GRK5: variants seen among roughly 807,000 people sequenced by gnomAD.
GRK5 encodes G protein-coupled receptor kinase 5.
Under a neutral mutation model 78.4 loss-of-function variants are expected in GRK5, and 40 were observed. That is an observed-to-expected ratio of 0.51 (90% CI 0.40 to 0.66). The LOEUF (loss-of-function observed/expected upper bound fraction) is 0.66. GRK5 is among the 30% of genes least tolerant of loss of function. GRK5 has a pLI of 0.00. For missense variants in GRK5, 598 were observed against 759.9 expected (o/e 0.79, Z 2.50); for synonymous variants, 289 against 296.8 (o/e 0.97, Z 0.27).
At chr10:119,349,595 G>A (rs555583131) in intron 2 of GRK5, among the ~76,000 whole-genome samples, 1 of 152,352 alleles carries the variant, frequency 6.6e-6, no homozygotes, top group East Asian at 1.9e-4. Flanking sequence ...TGGGGCCTTC[G>A]GGTGGGGAAC....
At chr10:119,261,024 CG>C (rs1849378324) in intron 1 of GRK5, among the ~76,000 whole-genome samples, 1 of 138,534 alleles carries the variant, frequency 7.2e-6, no homozygotes, top group Admixed American at 7.2e-5. Context: ...GGCGGCTGGC[CG>C]GGCAGGGGGC....
At chr10:119,399,625 C>A (rs976708821) in intron 4 of GRK5, among the ~76,000 whole-genome samples, 6 of 152,210 alleles carry the variant, frequency 3.9e-5, no homozygotes, top group African/African-American at 1.4e-4. Flanking sequence ...ACTGTAATAC[C>A]ATGTCTCCCC....
rs5788355 is a variant in GRK5, at chr10:119,455,539, C to CAA, written c.*484_*485dup. On this transcript the variant is annotated 3_prime_UTR_variant, in exon 16 of 16. Transcript: ENST00000392870. ...GGCATTTTAGCGGGGAGGGGGTTATCAAAAAAAAAAAAATGTGACTCAAGA... is the reference window on the plus strand; with the variant it reads ...GGCATTTTAGCGGGGAGGGGGTTATCAAAAAAAAAAAAAAATGTGACTCAAGA... The CAA allele has an allele frequency of 3.9e-4, 89 of 227,968 alleles. No homozygotes were observed. Among genetic ancestry groups the CAA allele is most frequent in the South Asian group, 7.8e-4 (18 of 23,004 alleles). 14.1% of individuals were successfully genotyped at this position (227,968 alleles called of 1,614,324 possible).
Position 119,271,716 on chromosome 10 carries a change from A to G in GRK5, c.53-54800A>G, listed in dbSNP as rs1849585584. 1.3e-5 allele frequency among the ~76,000 whole-genome samples: 2 copies of G among 152,168 alleles called. No individual in the cohort carries two copies. Among genetic ancestry groups the G allele is most frequent in the Non-Finnish European group, 2.9e-5 (2 of 68,010 alleles). ...AGGGAAAAACAGGTGTGTGAGCACT[A>G]GGTTGGTGACGAGGTTTAGCAGCAG... On this transcript the variant is annotated intron_variant, in intron 1 of 15. Coordinates refer to ENST00000392870, the MANE Select transcript of GRK5 (RefSeq NM_005308.3). This position sits in a 1 kb window ranked among gnomAD's most constrained non-coding sequence, Gnocchi z 4.1.
intron 2 of GRK5, among the ~76,000 whole-genome samples, chr10:119,328,167 C>T (rs1850711092): frequency 6.6e-6 from 1 of 152,224 alleles, no homozygotes; most frequent in South Asian, 2.1e-4. Context: ...GGAGTTCCCA[C>T]AGACACCACG....
Position 119,267,018 on chromosome 10 carries a change from C to T in GRK5, c.52+59049C>T, listed in dbSNP as rs1261541799. 6.6e-6 allele frequency among the ~76,000 whole-genome samples: 1 copy of T among 151,978 alleles called. No individual in the cohort carries two copies. The highest frequency in any genetic ancestry group is 1.9e-4 in the East Asian group (1 of 5,180). On this transcript the variant is annotated intron_variant, in intron 1 of 15. Coordinates refer to ENST00000392870, the MANE Select transcript of GRK5 (RefSeq NM_005308.3). This position sits in a 1 kb window ranked among gnomAD's most constrained non-coding sequence, Gnocchi z 4.1. ...CAGCACTTTGGGAGGCCGAGGTGCGCGGATCACCTGAGGTCGGGAGTTCTA... is the reference window on the plus strand; with the variant it reads ...CAGCACTTTGGGAGGCCGAGGTGCGTGGATCACCTGAGGTCGGGAGTTCTA...
At chr10:119,243,198 C>T (rs1849053879) in intron 1 of GRK5, among the ~76,000 whole-genome samples, 1 of 152,208 alleles carries the variant, frequency 6.6e-6, no homozygotes, top group Non-Finnish European at 1.5e-5. Flanking sequence ...GATCACACCA[C>T]TGCATTCCCA....
rs1257119285 is a variant in GRK5 at position 119,452,717 on chromosome 10, C to T, written c.1451C>T (p.Ser484Phe). Reference protein sequence around the residue: ...CKDVLDIEQFSTVKGVNLDHT... With the variant: ...CKDVLDIEQFFTVKGVNLDHT... ...GACGTGCTGGACATCGAGCAGTTCTCCACTGTGAAGGGCGTCAATCTGGAC... is the reference window on the plus strand; with the variant it reads ...GACGTGCTGGACATCGAGCAGTTCTTCACTGTGAAGGGCGTCAATCTGGAC... The change falls in exon 14 of 16, where the codon TCC becomes TTC. Residue 484 changes from serine (S) to phenylalanine (F), a missense_variant. Transcript: ENST00000392870. The surrounding 1 kb of genome is among the most constrained non-coding windows in gnomAD (Gnocchi z 4.4). 1.9e-6 allele frequency: 3 copies of T among 1,614,154 alleles called. No homozygotes were observed. Among genetic ancestry groups the T allele is most frequent in the Non-Finnish European group, 1.7e-6 (2 of 1,180,026 alleles).
At chr10:119,334,932 G>A (rs1031536379) in intron 2 of GRK5, 5 of 152,152 alleles carry the variant, frequency 3.3e-5, no homozygotes, top group Admixed American at 3.3e-4. Context: ...CCTTGTGGGA[G>A]AGCCTCTTGC....
At chr10:119,377,719 A>G (rs931821876) in intron 2 of GRK5, among the ~76,000 whole-genome samples, 1 of 152,188 alleles carries the variant, frequency 6.6e-6, no homozygotes, top group African/African-American at 2.4e-5. Context: ...AGAAAAAAAA[A>G]TCTGTCAAAT....
chr10:119,368,749 G>T (rs777363330), intron 2 of GRK5, among the ~76,000 whole-genome samples: 56 of 152,206 alleles, frequency 3.7e-4, no homozygotes, highest in Non-Finnish European at 7.1e-4. Context: ...GGGGGCTCTG[G>T]GCTTACTGTG....
At chr10:119,441,025 A>G (rs940860868) in intron 10 of GRK5, among the ~76,000 whole-genome samples, 3 of 152,230 alleles carry the variant, frequency 2.0e-5, no homozygotes, top group African/African-American at 7.2e-5. Context: ...AGGCCCCAGA[A>G]CCTGGCAGCC....
chr10:119,258,852 G>A (rs1265409515), intron 1 of GRK5, among the ~76,000 whole-genome samples: 1 of 152,188 alleles, frequency 6.6e-6, no homozygotes, highest in East Asian at 1.9e-4. Context: ...TCCCCTGTCA[G>A]TTATTGACTG....
intron 1 of GRK5, among the ~76,000 whole-genome samples, chr10:119,226,241 G>T (rs563518396): frequency 5.3e-5 from 8 of 150,884 alleles, no homozygotes; most frequent in East Asian, 2.0e-4. Flanking sequence ...GCTCCCCAAA[G>T]AGCTGGGATT....
intron 12 of GRK5, among the ~76,000 whole-genome samples, chr10:119,444,387 G>T (rs1031251292): frequency 2.6e-5 from 4 of 152,136 alleles, no homozygotes; most frequent in African/African-American, 9.7e-5. Context: ...ATTGGAAGTG[G>T]GGGATATGGG....
At chr10:119,220,206 T>C (rs1024045116) in intron 1 of GRK5, among the ~76,000 whole-genome samples, 5 of 152,148 alleles carry the variant, frequency 3.3e-5, no homozygotes, top group African/African-American at 1.2e-4. Flanking sequence ...TATATAATAA[T>C]TAGTAACCAC....
chr10:119,270,423 T>G (rs1849566502), intron 1 of GRK5, among the ~76,000 whole-genome samples: 4 of 152,270 alleles, frequency 2.6e-5, no homozygotes, highest in Admixed American at 2.6e-4. Context: ...CACATAGCAC[T>G]TACATTGTAT....
At chr10:119,366,062 C>T (rs1229105655) in intron 2 of GRK5, among the ~76,000 whole-genome samples, 5 of 152,214 alleles carry the variant, frequency 3.3e-5, no homozygotes, top group African/African-American at 1.2e-4. Context: ...GTCGGGTCCA[C>T]CCCATTTGGG....
At chr10:119,328,539 T>A (rs749565718) in intron 2 of GRK5, among the ~76,000 whole-genome samples, 16 of 152,194 alleles carry the variant, frequency 1.1e-4, no homozygotes, top group Non-Finnish European at 2.2e-4. Flanking sequence ...ATCCTGGGTC[T>A]GCTGGCTGCC....
Sources: allele counts gnomAD v4.1 joint callset (sites outside exome capture counted in the v4.1 genomes callset), GRCh38; gene constraint gnomAD v4.1.1; non-coding constraint Gnocchi (gnomAD v3.1); transcripts MANE v1.5; gene names NCBI Gene and HGNC (gene_info 2026-07-23, HGNC 2026-07-21).